Variants in DPP6 observed in about 807,000 individuals in gnomAD.
DPP6 encodes the protein A-type potassium channel modulatory protein DPP6.
Under a neutral mutation model 122.6 loss-of-function variants are expected in DPP6, and 69 were observed. The observed-to-expected ratio is 0.56, with a 90% confidence interval of 0.46 to 0.69. The LOEUF (loss-of-function observed/expected upper bound fraction) is 0.69, where lower values mean the gene tolerates loss of function less well. DPP6 is among the 30% of genes least tolerant of loss of function. DPP6 has a pLI of 0.00. For missense variants in DPP6, 928 were observed against 1,116.9 expected, an observed-to-expected ratio of 0.83 and a Z score of 2.41; for synonymous variants, 418 against 433.1, an observed-to-expected ratio of 0.97 and a Z score of 0.43.
intron 8 of DPP6, among the ~76,000 whole-genome samples, chr7:154,756,060 G>T (rs1169017091): frequency 6.6e-6 from 1 of 152,236 alleles, no homozygotes; most frequent in Admixed American, 6.5e-5. Flanking sequence ...GTGGCTGCTG[G>T]CAGGACAGCG....
At chr7:154,762,338 A>G (rs759930187) in intron 8 of DPP6, among the ~76,000 whole-genome samples, 3 of 152,220 alleles carry the variant, frequency 2.0e-5, no homozygotes, top group Non-Finnish European at 4.4e-5. Context: ...TTTGGAAAAT[A>G]CAGTGTGCCA....
At chr7:153,828,772 A>G in the DPP6 span, among the ~76,000 whole-genome samples, 2 of 152,200 alleles carry the variant, frequency 1.3e-5, no homozygotes, top group African/African-American at 4.8e-5. Context: ...AAATTTTACT[A>G]TGGGAACTAA....
chr7:154,854,431 A>G (rs1245949459), intron 17 of DPP6, among the ~76,000 whole-genome samples: 1 of 152,212 alleles, frequency 6.6e-6, no homozygotes, highest in Non-Finnish European at 1.5e-5. Flanking sequence ...AAAACTGCTA[A>G]GAGAAGGCAT....
At chr7:154,124,991 A>C (rs759450993) in intron 1 of DPP6, among the ~76,000 whole-genome samples, 20 of 152,204 alleles carry the variant, frequency 1.3e-4, no homozygotes, top group Non-Finnish European at 2.8e-4. Context: ...GAGGGGGCTG[A>C]GGTGTGTGTG....
intron 1 of DPP6, among the ~76,000 whole-genome samples, chr7:154,254,327 C>T (rs1394426810): frequency 2.0e-5 from 3 of 151,994 alleles, no homozygotes; most frequent in East Asian, 1.9e-4. Flanking sequence ...ATTACAAAGC[C>T]AAATCTAAAG....
intron 3 of DPP6, among the ~76,000 whole-genome samples, chr7:154,514,119 CA>C (rs1361696000): frequency 4.6e-5 from 7 of 152,018 alleles, no homozygotes; most frequent in Non-Finnish European, 1.0e-4. Context: ...ACTAAAATTC[CA>C]AAACAATTAG....
chr7:154,061,940 G>T (rs1282751163), intron 1 of DPP6, among the ~76,000 whole-genome samples: 1 of 133,322 alleles, frequency 7.5e-6, no homozygotes, highest in Admixed American at 7.5e-5. Context: ...TCGCAGGAGG[G>T]GGAGGCAACC....
intron 16 of DPP6, among the ~76,000 whole-genome samples, chr7:154,826,623 C>G (rs533529218): frequency 1.3e-5 from 2 of 152,314 alleles, no homozygotes; most frequent in South Asian, 4.1e-4. Flanking sequence ...CTCCTCGGCA[C>G]TGTTGTCCAA....
the DPP6 span, among the ~76,000 whole-genome samples, chr7:153,763,000 A>T: frequency 3.9e-5 from 6 of 152,166 alleles, no homozygotes; most frequent in African/African-American, 2.4e-5. Flanking sequence ...GCTGTATAAG[A>T]TACTAGACTG....
chr7:154,314,766 A>G (rs970726129), intron 1 of DPP6, among the ~76,000 whole-genome samples: 11 of 152,280 alleles, frequency 7.2e-5, no homozygotes, highest in African/African-American at 2.4e-4. Context: ...TTTTCCTCCA[A>G]ATCAAGCAAT....
intron 1 of DPP6, among the ~76,000 whole-genome samples, chr7:154,024,615 T>A (rs1340454909): frequency 1.3e-5 from 2 of 152,212 alleles, no homozygotes; most frequent in East Asian, 3.9e-4. Context: ...ATTCCTTTCA[T>A]GGCACTCCCT....
At chr7:154,633,987 T>C (rs1244364449) in intron 5 of DPP6, among the ~76,000 whole-genome samples, 1 of 151,324 alleles carries the variant, frequency 6.6e-6, no homozygotes, top group Non-Finnish European at 1.5e-5. Flanking sequence ...TATTCATTTT[T>C]GTTTCAGCCT....
At chr7:153,828,998 A>T in the DPP6 span, among the ~76,000 whole-genome samples, 2 of 152,206 alleles carry the variant, frequency 1.3e-5, no homozygotes, top group Non-Finnish European at 2.9e-5. Flanking sequence ...CTTTCCAATC[A>T]TGCCCAGTGT....
chr7:154,384,971 A>G lies in DPP6; in HGVS notation c.244-61243A>G, dbSNP rs542307031. ...TAGAAAGTATTATATAGTTTTTTAA[A>G]TTTTATTTATTTATTTATTTTGAGA... On this transcript the variant is annotated intron_variant, in intron 1 of 25. Transcript: ENST00000377770. Among the ~76,000 whole-genome samples the G allele has an allele frequency of 3.0e-4, 46 of 150,978 alleles. 3 individuals carry two copies. In the South Asian group the frequency reaches 7.4e-3, roughly 24 times the overall value.
chr7:153,879,610 G>A, the DPP6 span, among the ~76,000 whole-genome samples: 44 of 152,216 alleles, frequency 2.9e-4, no homozygotes, highest in Non-Finnish European at 5.6e-4. Flanking sequence ...GGCTGGTCTT[G>A]AACTCCTGAC....
chr7:154,385,341 C>T (rs183314112), intron 1 of DPP6, among the ~76,000 whole-genome samples: 84 of 152,258 alleles, frequency 5.5e-4, no homozygotes, highest in Middle Eastern at 3.4e-3. Context: ...CTCCGCCACC[C>T]GTGGGGTTGT....
intron 1 of DPP6, among the ~76,000 whole-genome samples, chr7:154,184,356 C>G (rs1395298249): frequency 6.6e-6 from 1 of 151,872 alleles, no homozygotes; most frequent in African/African-American, 2.4e-5. Context: ...CTCTCCACTC[C>G]CCTCTGATTC....
intron 8 of DPP6, among the ~76,000 whole-genome samples, chr7:154,758,956 C>T (rs758522263): frequency 1.3e-5 from 2 of 152,152 alleles, no homozygotes; most frequent in South Asian, 4.1e-4. Flanking sequence ...GGGACCCAGG[C>T]GTTTGTCTAT....
At chr7:154,175,736 T>C (rs1401788788) in intron 1 of DPP6, among the ~76,000 whole-genome samples, 1 of 151,532 alleles carries the variant, frequency 6.6e-6, no homozygotes, top group Admixed American at 6.6e-5. Context: ...TTTTTTTTTT[T>C]TGAGGCGGAG....
Sources: gnomAD v4.1 joint callset for allele counts (sites outside exome capture counted in the v4.1 genomes callset) on GRCh38, gnomAD v4.1.1 for gene constraint, MANE v1.5 for transcripts, NCBI Gene and HGNC (gene_info 2026-07-23, HGNC 2026-07-21) for gene names.